KIRREL3: variants seen among roughly 807,000 people sequenced by gnomAD.
KIRREL3 encodes the protein kin of IRRE-like protein 3.
A neutral mutation model predicts 89.7 loss-of-function variants in KIRREL3; 36 were observed. The observed-to-expected ratio is 0.40, with a 90% CI of 0.31 to 0.53. KIRREL3 has a LOEUF of 0.53. KIRREL3 is among the 20% of genes least tolerant of loss of function. KIRREL3 has a pLI of 0.49. For missense variants in KIRREL3, 864 were observed against 1,056.6 expected (o/e 0.82, Z 2.53); for synonymous variants, 445 against 441.4 (o/e 1.01, Z -0.10).
In KIRREL3 at chr11:126,636,230, G is replaced by A. The variant is rs1283902904; in HGVS notation, c.56-73318C>T. On this transcript the variant is annotated intron_variant, in intron 1 of 16. Coordinates refer to ENST00000525144, the MANE Select transcript of KIRREL3 (RefSeq NM_032531.4). The surrounding 1 kb of genome is among the most constrained non-coding windows in gnomAD (Gnocchi z 4.4). ...TTATGGCATACCCAGGGCATGGCAT[G>A]TGCTAAGCATTCAATAAATGTGGAC... Among the ~76,000 whole-genome samples the A allele has an allele frequency of 6.6e-6, 1 of 152,222 alleles. No individual in the cohort carries two copies. Among genetic ancestry groups the A allele is most frequent in the Non-Finnish European group, 1.5e-5 (1 of 68,032 alleles).
Position 126,879,948 on chromosome 11 carries a change from A to C in KIRREL3, c.55+120507T>G, listed in dbSNP as rs947409698. On this transcript the variant is annotated intron_variant, in intron 1 of 16. Coordinates refer to ENST00000525144, the MANE Select transcript of KIRREL3 (RefSeq NM_032531.4). This position sits in a 1 kb window ranked among gnomAD's most constrained non-coding sequence, Gnocchi z 5.4. ...ATCTCAGTTATTCAAGAAGGAAGCC[A>C]TGGTATGTACTGGGAAGTCTTGTGC... Among the ~76,000 whole-genome samples the C allele has an allele frequency of 6.6e-6, 1 of 152,168 alleles. No homozygotes were observed. The highest frequency in any genetic ancestry group is 2.4e-5 in the African/African-American group (1 of 41,450).
At chr11:126,461,689 TGGCTG>T (rs1956548645) in intron 6 of KIRREL3, among the ~76,000 whole-genome samples, 1 of 152,168 alleles carries the variant, frequency 6.6e-6, no homozygotes, top group Admixed American at 6.5e-5. Flanking sequence ...TTCTAGACAC[TGGCTG>T]GGAACTTCTG....
intron 1 of KIRREL3, among the ~76,000 whole-genome samples, chr11:126,923,492 G>A (rs144495065): frequency 0.066 from 9,066 of 138,344 alleles, 380 homozygotes; most frequent in African/African-American, 0.1. Flanking sequence ...CGCCCAGGCT[G>A]GAGTGCAGTG....
chr11:126,724,059 T>C lies in KIRREL3; in HGVS notation c.56-161147A>G, dbSNP rs1022047938. Among the ~76,000 whole-genome samples, 1 of 152,200 alleles carries C rather than the reference T, an allele frequency of 6.6e-6. No individual in the cohort carries two copies. Among genetic ancestry groups the C allele is most frequent in the African/African-American group, 2.4e-5 (1 of 41,460 alleles). ...ATGCTGAGGCTGTTCCATTTGAGCC[T>C]TTTTGTCTTGCTTGGCTCTTTGTCA... is the stretch of plus-strand genomic sequence containing the variant. On this transcript the variant is annotated intron_variant, in intron 1 of 16. Coordinates refer to ENST00000525144, the MANE Select transcript of KIRREL3 (RefSeq NM_032531.4). The surrounding 1 kb of genome is among the most constrained non-coding windows in gnomAD (Gnocchi z 4.3).
At chr11:126,895,466 A>G (rs1946114480) in intron 1 of KIRREL3, among the ~76,000 whole-genome samples, 1 of 151,580 alleles carries the variant, frequency 6.6e-6, no homozygotes, top group Non-Finnish European at 1.5e-5. Flanking sequence ...AAAAAAAAAA[A>G]AAAGGAAAAA....
chr11:126,543,406 T>C (rs567926435), intron 2 of KIRREL3, among the ~76,000 whole-genome samples: 46 of 152,058 alleles, frequency 3.0e-4, no homozygotes, highest in Non-Finnish European at 5.7e-4. Flanking sequence ...TCCTGAGAAA[T>C]AGAAAATCTT....
rs557190788 is a variant in KIRREL3, at chr11:126,684,180, G to A, written c.56-121268C>T. Among the ~76,000 whole-genome samples the A allele has an allele frequency of 5.3e-5, 8 of 152,216 alleles. No homozygotes were observed. Among genetic ancestry groups the A allele is most frequent in the Non-Finnish European group, 8.8e-5 (6 of 68,050 alleles). ...TGTGCAGGGCTGATGGGAAGGAGGTGTGTGCAATATGGTGGGAGGAGCCGG... is the reference window on the plus strand; with the variant it reads ...TGTGCAGGGCTGATGGGAAGGAGGTATGTGCAATATGGTGGGAGGAGCCGG... On this transcript the variant is annotated intron_variant, in intron 1 of 16. Coordinates refer to ENST00000525144, the MANE Select transcript of KIRREL3 (RefSeq NM_032531.4). The surrounding 1 kb of genome is among the most constrained non-coding windows in gnomAD (Gnocchi z 4.2).
chr11:126,992,095 G>A (rs1950049030), intron 1 of KIRREL3, among the ~76,000 whole-genome samples: 1 of 152,146 alleles, frequency 6.6e-6, no homozygotes, highest in African/African-American at 2.4e-5. Flanking sequence ...TTACTGCCAC[G>A]ACTAACAACA....
At position 126,561,018 on chromosome 11, in the gene KIRREL3, A is replaced by G. The variant is rs11824491; in HGVS notation, c.133+1817T>C. 0.086 allele frequency among the ~76,000 whole-genome samples: 13,099 copies of G among 152,272 alleles called. 1,590 individuals carry two copies. Among genetic ancestry groups the G allele is most frequent in the African/African-American group, 0.27 (11,360 of 41,498 alleles). ...AATTATAAATATAAAACAGCTCCGC[A>G]TGCTTTCTGATGCCTTTCTTATCTG... On this transcript the variant is annotated intron_variant, in intron 2 of 16. Transcript: ENST00000525144. This position sits in a 1 kb window ranked among gnomAD's most constrained non-coding sequence, Gnocchi z 4.5.
At position 126,869,797 on chromosome 11, in the gene KIRREL3, G is replaced by A. The variant is rs569342886; in HGVS notation, c.55+130658C>T. 2.0e-4 allele frequency among the ~76,000 whole-genome samples: 30 copies of A among 152,194 alleles called. 1 individual carries two copies. Among genetic ancestry groups the A allele is most frequent in the African/African-American group, 5.3e-4 (22 of 41,530 alleles). On this transcript the variant is annotated intron_variant, in intron 1 of 16. Transcript: ENST00000525144. ...AGACCCTCGCACAGAATAAGTGTTCGCTGAATCACTTTCTAATTGGATCCA... is the reference window on the plus strand; with the variant it reads ...AGACCCTCGCACAGAATAAGTGTTCACTGAATCACTTTCTAATTGGATCCA...
In KIRREL3 at chr11:126,694,337, T is replaced by G. The variant is rs778112876; in HGVS notation, c.56-131425A>C. On this transcript the variant is annotated intron_variant, in intron 1 of 16. Coordinates refer to ENST00000525144, the MANE Select transcript of KIRREL3 (RefSeq NM_032531.4). This position sits in a 1 kb window ranked among gnomAD's most constrained non-coding sequence, Gnocchi z 4.4. ...ATTTAAAGTGAATTGCACTTTTCCA[T>G]TGTATCCTAGTGAGCGTGCACCGGA... 2.0e-5 allele frequency among the ~76,000 whole-genome samples: 3 copies of G among 152,238 alleles called. No homozygotes were observed. Among genetic ancestry groups the G allele is most frequent in the Non-Finnish European group, 2.9e-5 (2 of 68,038 alleles).
At chr11:126,718,294 G>C (rs995841061) in intron 1 of KIRREL3, among the ~76,000 whole-genome samples, 1 of 152,166 alleles carries the variant, frequency 6.6e-6, no homozygotes, top group Admixed American at 6.5e-5. Context: ...TCCCTGGCTG[G>C]GCTCACTCAG....
In KIRREL3 at chr11:126,666,900, G is replaced by A. The variant is rs1320086610; in HGVS notation, c.56-103988C>T. ...GATGAAAGGTCCCTGGGGAATGAGA[G>A]GGCTTAGCCAACAGTCTCAGGGTCA... is the stretch of plus-strand genomic sequence containing the variant. On this transcript the variant is annotated intron_variant, in intron 1 of 16. Transcript: ENST00000525144. The surrounding 1 kb of genome is among the most constrained non-coding windows in gnomAD (Gnocchi z 4.2). Among the ~76,000 whole-genome samples the A allele has an allele frequency of 6.6e-6, 1 of 152,204 alleles. No homozygotes were observed. Among genetic ancestry groups the A allele is most frequent in the Non-Finnish European group, 1.5e-5 (1 of 68,038 alleles).
chr11:126,541,203 A>G lies in KIRREL3; in HGVS notation c.134-14516T>C, dbSNP rs1297681708. On this transcript the variant is annotated intron_variant, in intron 2 of 16. Transcript: ENST00000525144. The surrounding 1 kb of genome is among the most constrained non-coding windows in gnomAD (Gnocchi z 4.8). The stretch of plus-strand genomic sequence containing the variant: ...CCCATGTCTAAGGGGTACTGTATGG[A>G]CACATGAAGCTTTGTCCTTGTCCTG... Among the ~76,000 whole-genome samples the G allele has an allele frequency of 2.6e-5, 4 of 152,144 alleles. No individual in the cohort carries two copies. The East Asian group carries it at 5.8e-4, about 22-fold the overall frequency.
rs760337984 is a variant in KIRREL3, at chr11:126,437,029, CAGG to C, written c.1354-23_1354-21del. 40 of 1,500,892 alleles carry C rather than the reference CAGG, an allele frequency of 2.7e-5. No individual in the cohort carries two copies. The East Asian group carries it at 3.4e-4, about 13-fold the overall frequency. The allele number at this position is 1,500,892 out of a possible 1,614,324, so 93.0% of individuals were successfully genotyped here. The stretch of plus-strand genomic sequence containing the variant: ...CCAGGCCTGCCCGGGGGCGCAGAAT[CAGG>C]AGGAGACCCCACCAGAGGGGCCCAG... On this transcript the variant is annotated intron_variant, in intron 11 of 16. Transcript: ENST00000525144.
At position 126,755,558 on chromosome 11, in the gene KIRREL3, C is replaced by G. The variant is rs970364019; in HGVS notation, c.56-192646G>C. On this transcript the variant is annotated intron_variant, in intron 1 of 16. Coordinates refer to ENST00000525144, the MANE Select transcript of KIRREL3 (RefSeq NM_032531.4). The surrounding 1 kb of genome is among the most constrained non-coding windows in gnomAD (Gnocchi z 4.3). The stretch of plus-strand genomic sequence containing the variant: ...AAGTAAAAAAACAAAACAACAACAA[C>G]AAAAGAAAAAACAGAAAAAAACAAT... Among the ~76,000 whole-genome samples the G allele has an allele frequency of 6.6e-6, 1 of 152,014 alleles. No individual in the cohort carries two copies. Among genetic ancestry groups the G allele is most frequent in the Non-Finnish European group, 1.5e-5 (1 of 68,006 alleles).
intron 1 of KIRREL3, among the ~76,000 whole-genome samples, chr11:126,902,037 C>T (rs959640439): frequency 6.6e-6 from 1 of 152,214 alleles, no homozygotes; most frequent in African/African-American, 2.4e-5. Context: ...ATGACTAACA[C>T]CCCCTAGGTG....
In KIRREL3 at chr11:126,707,141, T is replaced by A. The variant is rs111668868; in HGVS notation, c.56-144229A>T. 2.9e-3 allele frequency among the ~76,000 whole-genome samples: 443 copies of A among 152,068 alleles called. 1 individual carries two copies. The highest frequency in any genetic ancestry group is 6.8e-3 in the Middle Eastern group (2 of 294). The stretch of plus-strand genomic sequence containing the variant: ...CTAATTTTTAAATTTTTTGTTGAGA[T>A]GGGGACCTTGCCCAGGCTGGTCTTG... On this transcript the variant is annotated intron_variant, in intron 1 of 16. Coordinates refer to ENST00000525144, the MANE Select transcript of KIRREL3 (RefSeq NM_032531.4).
At position 126,705,784 on chromosome 11, in the gene KIRREL3, C is replaced by T. The variant is rs1316467281; in HGVS notation, c.56-142872G>A. Among the ~76,000 whole-genome samples the T allele has an allele frequency of 2.0e-5, 3 of 152,180 alleles. No individual in the cohort carries two copies. The highest frequency in any genetic ancestry group is 7.2e-5 in the African/African-American group (3 of 41,434). On this transcript the variant is annotated intron_variant, in intron 1 of 16. Coordinates refer to ENST00000525144, the MANE Select transcript of KIRREL3 (RefSeq NM_032531.4). This position sits in a 1 kb window ranked among gnomAD's most constrained non-coding sequence, Gnocchi z 4.3. ...TCCTCCCAGAAAGAGGTGGAGGCTA[C>T]CTCTCCTATTTTAGAACTGCCATGG...
Sources: gnomAD v4.1 joint callset for allele counts (sites outside exome capture counted in the v4.1 genomes callset) on GRCh38, gnomAD v4.1.1 for gene constraint, Gnocchi (gnomAD v3.1) non-coding constraint, MANE v1.5 for transcripts, NCBI Gene and HGNC (gene_info 2026-07-23, HGNC 2026-07-21) for gene names.